The following CAPN5 variants were observed in gnomAD, a reference collection of about 807,000 sequenced individuals.
CAPN5 encodes calpain-5.
CAPN5 carries 54 observed loss-of-function variants against 73.0 expected under a neutral mutation model. The observed-to-expected ratio is 0.74, with a 90% CI of 0.59 to 0.93. The LOEUF (loss-of-function observed/expected upper bound fraction) is 0.93, where lower values mean the gene tolerates loss of function less well. CAPN5 is among the 40% of genes least tolerant of loss of function. The pLI, the probability that CAPN5 is intolerant of heterozygous loss-of-function variation, is 0.00. For synonymous variants in CAPN5, 335 were observed against 356.9 expected, an observed-to-expected ratio of 0.94 and a Z score of 0.69; for missense variants, 785 against 882.9, an observed-to-expected ratio of 0.89 and a Z score of 1.41.
chr11:77,076,737 A>G (rs1490558910), intron 1 of CAPN5, among the ~76,000 whole-genome samples: 1 of 152,194 alleles, frequency 6.6e-6, no homozygotes, highest in African/African-American at 2.4e-5. Context: ...TTGTATGTAT[A>G]TACCATATTT....
chr11:77,122,549 A>AC, intron 11 of CAPN5, 27 bp from the exon 12 acceptor site: 56 of 749,842 alleles, frequency 7.5e-5, no homozygotes, highest in Non-Finnish European at 8.7e-5. Context: ...CCCCACCCTC[A>AC]CCCCATCTCC....
At chr11:77,095,041 G>A (rs936480904) in intron 3 of CAPN5, among the ~76,000 whole-genome samples, 3 of 152,214 alleles carry the variant, frequency 2.0e-5, no homozygotes, top group Non-Finnish European at 4.4e-5. Flanking sequence ...GGCATCCCTG[G>A]GGCCTAGCCC....
intron 1 of CAPN5, among the ~76,000 whole-genome samples, chr11:77,080,984 CCA>C (rs1950021805): frequency 6.6e-6 from 1 of 152,234 alleles, no homozygotes. Flanking sequence ...CACTCTTGGT[CCA>C]CAGAGGCCTC....
At chr11:77,087,980 G>A (rs1487281401) in intron 2 of CAPN5, 10 of 1,535,610 alleles carry the variant, frequency 6.5e-6, no homozygotes, top group Non-Finnish European at 7.0e-6. Flanking sequence ...GGCCTGGCTG[G>A]GGAGATGCAC....
At chr11:77,112,971 TG>T in intron 4 of CAPN5, 174 bp downstream of exon 4, 1 of 647,860 alleles carries the variant, frequency 1.5e-6, no homozygotes, top group East Asian at 2.7e-5. Context: ...GAGCCTGTGC[TG>T]GGTGGGGTGG....
intron 2 of CAPN5, among the ~76,000 whole-genome samples, chr11:77,092,042 A>G (rs1555036617): frequency 6.6e-6 from 1 of 152,206 alleles, no homozygotes; most frequent in Non-Finnish European, 1.5e-5. Context: ...CAACATAGTG[A>G]GACCTCATCT....
intron 1 of CAPN5, among the ~76,000 whole-genome samples, chr11:77,070,993 G>T (rs1015800854): frequency 1.3e-5 from 2 of 152,124 alleles, no homozygotes; most frequent in African/African-American, 4.8e-5. Flanking sequence ...ATCCTTAATC[G>T]CATCTTCAGA....
At chr11:77,116,423 T>A in intron 7 of CAPN5, 120 bp downstream of exon 7, 1 of 759,522 alleles carries the variant, frequency 1.3e-6, no homozygotes, top group Non-Finnish European at 2.3e-6. Flanking sequence ...ATCAATTTGC[T>A]GTGTGGCCTT....
rs1950549490 is a variant in CAPN5 at position 77,123,922 on chromosome 11, C to G, written c.*52C>G. The G allele has an allele frequency of 1.9e-6, 3 of 1,554,742 alleles. No individual in the cohort carries two copies. The highest frequency in any genetic ancestry group is 2.6e-6 in the Non-Finnish European group (3 of 1,136,710). On this transcript the variant is annotated 3_prime_UTR_variant, in exon 13 of 13. Transcript: ENST00000648180. ...CGTTCCCACCACCATCTGCATGTCC[C>G]CACTGGGCCTGAGTCTAGCCTGGGA...
At chr11:77,098,829 G>A (rs1478515173) in intron 3 of CAPN5, among the ~76,000 whole-genome samples, 2,129 of 103,206 alleles carry the variant, frequency 0.021, no homozygotes, top group East Asian at 0.052. Context: ...GCGGGGGGCT[G>A]ACCCCCCCCA....
At chr11:77,106,270 C>T (rs1950347819) in intron 3 of CAPN5, among the ~76,000 whole-genome samples, 1 of 150,484 alleles carries the variant, frequency 6.6e-6, no homozygotes, top group Non-Finnish European at 1.5e-5. Context: ...ACCCAACCCC[C>T]ACCCCCGGTC....
chr11:77,089,784 G>A (rs1489212482), intron 2 of CAPN5, among the ~76,000 whole-genome samples: 3 of 152,184 alleles, frequency 2.0e-5, no homozygotes, highest in African/African-American at 7.2e-5. Flanking sequence ...TAAGGCAGGA[G>A]AATCGTTTGA....
At chr11:77,084,118 C>T (rs559270161) in intron 1 of CAPN5, among the ~76,000 whole-genome samples, 1 of 152,318 alleles carries the variant, frequency 6.6e-6, no homozygotes, top group Admixed American at 6.5e-5. Context: ...GCCCTGCCAG[C>T]CGCTGTTCCT....
chr11:77,122,543 A>T, intron 11 of CAPN5, 33 bp from the exon 12 acceptor site: 1 of 459,856 alleles, frequency 2.2e-6, no homozygotes, highest in Non-Finnish European at 3.7e-6. Context: ...CCCCACCCCC[A>T]CCCTCACCCC....
chr11:77,069,845 C>T lies in CAPN5; in HGVS notation c.-36+2751C>T, dbSNP rs147970411. Among the ~76,000 whole-genome samples the T allele has an allele frequency of 1.8e-3, 269 of 152,276 alleles. 1 individual carries two copies. Among genetic ancestry groups the T allele is most frequent in the South Asian group, 2.7e-3 (13 of 4,828 alleles). ...CCGCTCAAAACTTTCCTGGGCTCAC[C>T]GTGGTCCTGAGGCTTGGCCTTCCTG... On this transcript the variant is annotated intron_variant, in intron 1 of 12. Coordinates refer to ENST00000648180, the MANE Select transcript of CAPN5 (RefSeq NM_004055.5).
At chr11:77,119,199 CT>C (rs1237674638) in intron 9 of CAPN5, 47 bp downstream of exon 9, 2 of 1,570,254 alleles carry the variant, frequency 1.3e-6, no homozygotes, top group Non-Finnish European at 1.7e-6. Flanking sequence ...AGGGAGGGAG[CT>C]GGAGTTTGGA....
At chr11:77,113,554 G>A (rs556434222) in intron 4 of CAPN5, among the ~76,000 whole-genome samples, 1 of 152,154 alleles carries the variant, frequency 6.6e-6, no homozygotes, top group East Asian at 1.9e-4. Context: ...AAATGTGTGT[G>A]TAGGGGCAGG....
intron 3 of CAPN5, among the ~76,000 whole-genome samples, chr11:77,103,685 C>A (rs12786554): frequency 0.085 from 12,955 of 152,278 alleles, 586 homozygotes; most frequent in Middle Eastern, 0.2. Flanking sequence ...CCAAGAGAGA[C>A]ACAGAGACAG....
intron 3 of CAPN5, chr11:77,102,754 G>A: frequency 7.0e-7 from 1 of 1,429,258 alleles, no homozygotes; most frequent in Non-Finnish European, 9.2e-7. Flanking sequence ...AGTAGGTGGG[G>A]CCCCCCTTTG....
Sources: allele counts gnomAD v4.1 joint callset (sites outside exome capture counted in the v4.1 genomes callset), GRCh38; gene constraint gnomAD v4.1.1; transcripts MANE v1.5; gene names NCBI Gene and HGNC (gene_info 2026-07-23, HGNC 2026-07-21).